Variants in TGFBR2 observed in about 807,000 individuals in gnomAD.
TGFBR2 encodes transforming growth factor beta receptor 2.
TGFBR2 carries 18 observed loss-of-function variants against 49.0 expected under a neutral mutation model. The ratio of observed to expected loss-of-function variants is 0.37; its 90% CI spans 0.25 to 0.54. The LOEUF is 0.54. Among genes scored for constraint, TGFBR2 ranks in the 20% least tolerant of loss-of-function variants. The probability of loss-of-function intolerance (pLI) is 0.85; values close to 1 mark genes in which losing one functional copy is unlikely to be tolerated. For synonymous variants in TGFBR2, 282 were observed against 275.9 expected (o/e 1.02, Z -0.22); for missense variants, 525 against 722.6 (o/e 0.73, Z 3.13).
chr3:30,640,051 T>A (rs1698615769), intron 1 of TGFBR2, among the ~76,000 whole-genome samples: 3 of 152,204 alleles, frequency 2.0e-5, no homozygotes. Flanking sequence ...AGCAGTCAAT[T>A]CATATTCTCA....
intron 3 of TGFBR2, among the ~76,000 whole-genome samples, chr3:30,666,814 T>A (rs1699253637): frequency 6.6e-6 from 1 of 151,902 alleles, no homozygotes; most frequent in South Asian, 2.1e-4. Flanking sequence ...TAATTTTTTT[T>A]TTTTTTAAGT....
intron 1 of TGFBR2, chr3:30,623,212 G>A: frequency 6.4e-7 from 1 of 1,562,704 alleles, no homozygotes; most frequent in Non-Finnish European, 8.8e-7. Flanking sequence ...TGGAAATGGA[G>A]GCCCAGAAAG....
rs527890008 is a variant in TGFBR2, at chr3:30,691,975, G to T, written c.*376G>T. The T allele has an allele frequency of 9.1e-6, 2 of 219,816 alleles. No individual in the cohort carries two copies. The highest frequency in any genetic ancestry group is 1.8e-4 in the South Asian group (1 of 5,410). The allele number at this position is 219,816 out of a possible 1,614,324, so 13.6% of individuals were successfully genotyped here. ...TATATATAGCCATACCTTGAAAAGA[G>T]ACAAGGAAAAACATCAAATATTCCC... On this transcript the variant is annotated 3_prime_UTR_variant, in exon 7 of 7. Transcript: ENST00000295754.
At chr3:30,681,884 G>C (rs1699548036) in intron 5 of TGFBR2, among the ~76,000 whole-genome samples, 1 of 152,170 alleles carries the variant, frequency 6.6e-6, no homozygotes, top group African/African-American at 2.4e-5. Context: ...ATGCCAGTAA[G>C]AGAATGAGGA....
chr3:30,638,017 T>C (rs1303553477), intron 1 of TGFBR2, among the ~76,000 whole-genome samples: 2 of 152,230 alleles, frequency 1.3e-5, no homozygotes, highest in Non-Finnish European at 2.9e-5. Flanking sequence ...ATTGATCTTT[T>C]TCAAAATGAG....
chr3:30,613,683 C>A (rs965942261), intron 1 of TGFBR2, among the ~76,000 whole-genome samples: 1 of 152,116 alleles, frequency 6.6e-6, no homozygotes, highest in African/African-American at 2.4e-5. Context: ...TCTCTTTAAA[C>A]CACCCATTTC....
intron 1 of TGFBR2, among the ~76,000 whole-genome samples, chr3:30,617,677 GAGCTCC>G (rs1021735565): frequency 1.3e-5 from 2 of 152,008 alleles, no homozygotes; most frequent in Non-Finnish European, 2.9e-5. Context: ...CCCAAAGCTT[GAGCTCC>G]AGCATTCTGA....
chr3:30,659,352 TGAA>T (rs1392578354), intron 3 of TGFBR2, among the ~76,000 whole-genome samples: 1 of 152,166 alleles, frequency 6.6e-6, no homozygotes, highest in East Asian at 1.9e-4. Flanking sequence ...GACTCAGAGC[TGAA>T]GCAGCTTTTT....
At chr3:30,660,128 C>G (rs951966013) in intron 3 of TGFBR2, among the ~76,000 whole-genome samples, 1 of 152,080 alleles carries the variant, frequency 6.6e-6, no homozygotes, top group Non-Finnish European at 1.5e-5. Flanking sequence ...TTTATATTTG[C>G]TTATCTACTT....
At chr3:30,663,898 C>T (rs116411376) in intron 3 of TGFBR2, among the ~76,000 whole-genome samples, 2,423 of 147,900 alleles carry the variant, frequency 0.016, 66 homozygotes, top group African/African-American at 0.055. Flanking sequence ...GTTTTGAGGG[C>T]CATACTGTGC....
intron 3 of TGFBR2, among the ~76,000 whole-genome samples, chr3:30,664,580 G>T (rs1053539540): frequency 6.6e-6 from 1 of 152,134 alleles, no homozygotes; most frequent in Non-Finnish European, 1.5e-5. Flanking sequence ...AAACCTCAAG[G>T]GGAAATCCTG....
At chr3:30,619,913 C>A (rs1338668155) in intron 1 of TGFBR2, among the ~76,000 whole-genome samples, 1 of 151,888 alleles carries the variant, frequency 6.6e-6, no homozygotes, top group African/African-American at 2.4e-5. Context: ...ACTAGCCAGG[C>A]GTGGTGGCTT....
At chr3:30,616,794 G>GA (rs1305009610) in intron 1 of TGFBR2, among the ~76,000 whole-genome samples, 5 of 151,650 alleles carry the variant, frequency 3.3e-5, no homozygotes, top group African/African-American at 7.3e-5. Context: ...AAAAAGAGAA[G>GA]AAAAAAAACC....
At chr3:30,617,508 C>T (rs1241092214) in intron 1 of TGFBR2, among the ~76,000 whole-genome samples, 2 of 152,158 alleles carry the variant, frequency 1.3e-5, no homozygotes, top group East Asian at 3.8e-4. Flanking sequence ...ATCTAACAAT[C>T]TCAATACCCC....
chr3:30,680,928 G>A (rs116655807), intron 5 of TGFBR2, among the ~76,000 whole-genome samples: 2,851 of 152,104 alleles, frequency 0.019, 78 homozygotes, highest in African/African-American at 0.064. Context: ...GGTGAAGGCG[G>A]GTGAAGGCGG....
chr3:30,691,344 C>T, intron 6 of TGFBR2, 76 bp from the exon 7 acceptor site: 2 of 1,540,036 alleles, frequency 1.3e-6, no homozygotes, highest in Non-Finnish European at 1.8e-6. Flanking sequence ...ACTATAGCAA[C>T]AAGGTCAGCA....
chr3:30,632,190 A>G (rs962347470), intron 1 of TGFBR2, among the ~76,000 whole-genome samples: 20 of 152,184 alleles, frequency 1.3e-4, no homozygotes, highest in Non-Finnish European at 1.3e-4. Context: ...GAATTCCACA[A>G]TCTTAAGACA....
At chr3:30,638,049 T>G (rs970449139) in intron 1 of TGFBR2, among the ~76,000 whole-genome samples, 2 of 152,244 alleles carry the variant, frequency 1.3e-5, no homozygotes, top group African/African-American at 2.4e-5. Context: ...ATGGTATGCA[T>G]TTTTAATCTG....
intron 1 of TGFBR2, among the ~76,000 whole-genome samples, chr3:30,631,796 G>T (rs1698442990): frequency 6.6e-6 from 1 of 151,940 alleles, no homozygotes; most frequent in East Asian, 1.9e-4. Flanking sequence ...CAACCCATTT[G>T]TTTGACTGGT....
Sources: allele counts gnomAD v4.1 joint callset (sites outside exome capture counted in the v4.1 genomes callset), GRCh38; gene constraint gnomAD v4.1.1; transcripts MANE v1.5; gene names NCBI Gene and HGNC (gene_info 2026-07-23, HGNC 2026-07-21).